The following PRCC variants were observed in gnomAD, a reference collection of about 807,000 sequenced individuals.
PRCC encodes proline rich mitotic checkpoint control factor.
In PRCC, 10 loss-of-function variants were observed where a neutral mutation model predicts 44.0. That is an observed-to-expected ratio of 0.23 (90% confidence interval 0.14 to 0.39). PRCC has a LOEUF of 0.39. PRCC is among the 10% of genes least tolerant of loss of function. The probability of loss-of-function intolerance (pLI) is 1.00; values close to 1 mark genes in which losing one functional copy is unlikely to be tolerated. For missense variants in PRCC, 573 were observed against 624.7 expected, an observed-to-expected ratio of 0.92 and a Z score of 0.88; for synonymous variants, 278 against 259.5, an observed-to-expected ratio of 1.07 and a Z score of -0.69.
chr1:156,770,572 T>A (rs919176478), intron 1 of PRCC, among the ~76,000 whole-genome samples: 1 of 152,118 alleles, frequency 6.6e-6, no homozygotes, highest in African/African-American at 2.4e-5. Flanking sequence ...CTGGGGTTTC[T>A]CCATGTTGGT....
chr1:156,792,471 A>G (rs1161779108), intron 4 of PRCC, among the ~76,000 whole-genome samples: 1 of 152,008 alleles, frequency 6.6e-6, no homozygotes, highest in Non-Finnish European at 1.5e-5. Flanking sequence ...TGTTTTGAGC[A>G]GAGTCTTGCT....
chr1:156,787,736 T>A (rs1652328161), intron 3 of PRCC, among the ~76,000 whole-genome samples: 1 of 142,434 alleles, frequency 7.0e-6, no homozygotes, highest in African/African-American at 2.6e-5. Context: ...CTGCAACCTC[T>A]GCCTCCCGAG....
intron 3 of PRCC, among the ~76,000 whole-genome samples, chr1:156,788,963 G>A (rs755931558): frequency 3.2e-4 from 48 of 151,120 alleles, no homozygotes; most frequent in Non-Finnish European, 6.3e-4. Flanking sequence ...ACCGCGCCCT[G>A]CCTATTTTTT....
chr1:156,783,320 T>C (rs552601673), intron 2 of PRCC, among the ~76,000 whole-genome samples: 1 of 152,316 alleles, frequency 6.6e-6, no homozygotes, highest in South Asian at 2.1e-4. Flanking sequence ...TGCTTCTGTT[T>C]CCCCTCATCT....
At chr1:156,771,334 G>T (rs990830761) in intron 1 of PRCC, among the ~76,000 whole-genome samples, 2 of 152,190 alleles carry the variant, frequency 1.3e-5, no homozygotes, top group African/African-American at 4.8e-5. Context: ...TCATTTTGGG[G>T]TTGTGAAGAC....
intron 3 of PRCC, 76 bp downstream of exon 3, chr1:156,787,250 C>T: frequency 1.4e-6 from 2 of 1,464,552 alleles, no homozygotes; most frequent in Admixed American, 2.1e-5. Flanking sequence ...GCTAGTGATA[C>T]AGCCTCTGTG....
chr1:156,799,762 C>T (rs1652777141), intron 6 of PRCC, among the ~76,000 whole-genome samples: 2 of 152,226 alleles, frequency 1.3e-5, no homozygotes, highest in South Asian at 4.1e-4. Flanking sequence ...GGTACTTCTA[C>T]ATTCCAGAAT....
chr1:156,779,367 A>G (rs1222778494), intron 1 of PRCC, among the ~76,000 whole-genome samples: 1 of 149,880 alleles, frequency 6.7e-6, no homozygotes, highest in Admixed American at 6.7e-5. Context: ...TTTAATTATT[A>G]TTATTATCAT....
At position 156,800,404 on chromosome 1, in the gene PRCC, A is replaced by T; in HGVS notation, c.1420A>T (p.Thr474Ser). Residue 474 changes from threonine (T) to serine (S), a missense_variant, in exon 7 of 7, where the codon ACC (threonine) becomes TCC (serine). By Grantham distance (58) the Thr-to-Ser change is moderately conservative. Coordinates refer to ENST00000271526, the MANE Select transcript of PRCC (RefSeq NM_005973.5). ...GGAGCGGGAGCTGGAACTGAAGAAC[A>T]CCTGGTCAGAGAACAAGCTCAGCCG... ...AKERELELKN[T>S]WSENKLSRRQ... 2 of 1,614,170 alleles carry T rather than the reference A, an allele frequency of 1.2e-6. No homozygotes were observed. The highest frequency in any genetic ancestry group is 1.7e-6 in the Non-Finnish European group (2 of 1,180,024).
At chr1:156,797,673 T>TA (rs1190584739) in intron 6 of PRCC, among the ~76,000 whole-genome samples, 3 of 152,122 alleles carry the variant, frequency 2.0e-5, no homozygotes, top group Non-Finnish European at 4.4e-5. Flanking sequence ...TCTAGTAATT[T>TA]AAAAAACTTA....
At chr1:156,789,072 C>T (rs1758186) in intron 3 of PRCC, among the ~76,000 whole-genome samples, 27,635 of 152,076 alleles carry the variant, frequency 0.18, 3,250 homozygotes, top group Non-Finnish European at 0.26. Context: ...CAGGTTCAAG[C>T]GATTCTCCCG....
chr1:156,794,649 T>G lies in PRCC; in HGVS notation c.1180-16T>G. 1 of 1,613,440 alleles carries G rather than the reference T, an allele frequency of 6.2e-7. No homozygotes were observed. Among genetic ancestry groups the G allele is most frequent in the Non-Finnish European group, 8.5e-7 (1 of 1,179,674 alleles). On this transcript the variant is annotated splice_polypyrimidine_tract_variant and intron_variant, in intron 4 of 6. Coordinates refer to ENST00000271526, the MANE Select transcript of PRCC (RefSeq NM_005973.5). ...CTTGCCCAGATTCCTGACTCCTGCA[T>G]TTTTTTCTTTTCCAGTTTAAGCGGC...
intron 5 of PRCC, chr1:156,795,910 C>T (rs1652646992): frequency 6.6e-6 from 1 of 152,256 alleles, no homozygotes; most frequent in African/African-American, 2.4e-5. Flanking sequence ...GACTTGAGCC[C>T]AGCACCAGCG....
chr1:156,786,639 T>G lies in PRCC; in HGVS notation c.548T>G (p.Leu183Trp). 6.2e-7 allele frequency: 1 copy of G among 1,613,430 alleles called. No homozygotes were observed. The highest frequency in any genetic ancestry group is 1.3e-5 in the African/African-American group (1 of 75,018). Residue 183 changes from leucine to tryptophan, a missense_variant, in exon 3 of 7, where the codon TTG (leucine) becomes TGG (tryptophan). This residue lies in a region of PRCC where 118 missense variants were observed against 166.7 expected (regional missense o/e 0.71). Coordinates refer to ENST00000271526, the MANE Select transcript of PRCC (RefSeq NM_005973.5). Reference protein sequence around the residue: ...GSSEGTGLSALLPQPKNLTVK... With the variant: ...GSSEGTGLSAWLPQPKNLTVK... ...AGTGAGGGGACTGGTTTGTCTGCCT[T>G]GCTTCCCCAACCTAAAAACCTGACT...
intron 2 of PRCC, among the ~76,000 whole-genome samples, chr1:156,784,666 G>T (rs1652171530): frequency 6.6e-6 from 1 of 152,196 alleles, no homozygotes; most frequent in Non-Finnish European, 1.5e-5. Flanking sequence ...GAGCAGTTCT[G>T]TGTGGCTTGA....
At chr1:156,792,862 T>C (rs1193601134) in intron 4 of PRCC, among the ~76,000 whole-genome samples, 1 of 152,182 alleles carries the variant, frequency 6.6e-6, no homozygotes, top group African/African-American at 2.4e-5. Context: ...AAGAGGAGAA[T>C]GGATTTAGGG....
chr1:156,795,285 GTTTTT>G (rs35911411), intron 5 of PRCC, among the ~76,000 whole-genome samples: 3 of 36,052 alleles, frequency 8.3e-5, no homozygotes, highest in African/African-American at 2.8e-4. Context: ...ATTTTCTGGT[GTTTTT>G]TTTTTTTTTT....
intron 1 of PRCC, among the ~76,000 whole-genome samples, chr1:156,775,513 T>TG (rs1491228104): frequency 1.6e-5 from 1 of 63,680 alleles, no homozygotes; most frequent in Non-Finnish European, 4.6e-5. Flanking sequence ...CGATTTAAAA[T>TG]TTTTTTTTTT....
chr1:156,786,289 A>C (rs554211390), intron 2 of PRCC, among the ~76,000 whole-genome samples: 1 of 152,194 alleles, frequency 6.6e-6, no homozygotes, highest in African/African-American at 2.4e-5. Context: ...GGACGATGTG[A>C]GGTTAAGAGC....
Sources: allele counts gnomAD v4.1 joint callset (sites outside exome capture counted in the v4.1 genomes callset), GRCh38; gene constraint gnomAD v4.1.1; regional missense constraint gnomAD v4.1.1; transcripts MANE v1.5; gene names NCBI Gene and HGNC (gene_info 2026-07-23, HGNC 2026-07-21).